ZNF432: variants seen among roughly 807,000 people sequenced by gnomAD.
ZNF432 encodes the protein zinc finger protein 432.
In ZNF432, 10 loss-of-function variants were observed where a neutral mutation model predicts 13.9. The ratio of observed to expected loss-of-function variants is 0.72; its 90% CI spans 0.44 to 1.22. The LOEUF is 1.22. Ranked by LOEUF, ZNF432 falls within the 50% of genes most tolerant of loss-of-function variation. The probability of loss-of-function intolerance (pLI) is 0.00; values close to 1 mark genes in which losing one functional copy is unlikely to be tolerated. For synonymous variants in ZNF432, 247 were observed against 256.2 expected, an observed-to-expected ratio of 0.96 and a Z score of 0.34; for missense variants, 793 against 796.2, an observed-to-expected ratio of 1.00 and a Z score of 0.05.
rs753640880 is a variant in ZNF432 at position 52,035,385 on chromosome 19, C to G, written c.294G>C (p.Leu98=). The change falls in exon 5 of 5, where the codon CTG becomes CTC. Residue 98 remains leucine (L), a synonymous_variant. Transcript: ENST00000221315. The part of the protein sequence containing the change: ...LQDHLENQRM[L]KSVEQYHEHN... ...GTTCATGGTATTGTTCCACACTCTTCAGCATCCTTTGATTTTCCAAGTGAT... is the reference window on the plus strand; with the variant it reads ...GTTCATGGTATTGTTCCACACTCTTGAGCATCCTTTGATTTTCCAAGTGAT... 1 of 1,577,386 alleles carries G rather than the reference C, an allele frequency of 6.3e-7. No homozygotes were observed. The highest frequency in any genetic ancestry group is 1.4e-5 in the African/African-American group (1 of 72,820).
Position 52,034,388 on chromosome 19 carries a change from A to G in ZNF432, c.1291T>C (p.Cys431Arg), listed in dbSNP as rs1568519677. The stretch of plus-strand genomic sequence containing the variant: ...GTAAAACCTTTTCCACATTCACTAC[A>G]TAGATATGACTTCTCTACTGTATGA... Reference protein sequence around the residue: ...RNHTVEKSYLCSECGKGFTVK... With the variant: ...RNHTVEKSYLRSECGKGFTVK... The change falls in exon 5 of 5, where the codon TGT (cysteine) becomes CGT (arginine). Residue 431 changes from cysteine (C) to arginine (R), a missense_variant. By Grantham distance (180) the Cys-to-Arg change is radical (BLOSUM62 -3). Transcript: ENST00000221315. The G allele has an allele frequency of 6.2e-7, 1 of 1,613,896 alleles. No homozygotes were observed. The highest frequency in any genetic ancestry group is 8.5e-7 in the Non-Finnish European group (1 of 1,179,980).
intron 1 of ZNF432, among the ~76,000 whole-genome samples, chr19:52,048,377 C>G (rs1231518085): frequency 6.6e-6 from 1 of 152,060 alleles, no homozygotes; most frequent in Admixed American, 6.5e-5. Context: ...TTGACAAAAG[C>G]CACCCCATCG....
chr19:52,035,446 A>G lies in ZNF432; in HGVS notation c.239-6T>C. 6.5e-7 allele frequency: 1 copy of G among 1,526,858 alleles called. No individual in the cohort carries two copies. Among genetic ancestry groups the G allele is most frequent in the Non-Finnish European group, 8.7e-7 (1 of 1,143,394 alleles). 94.6% of individuals were successfully genotyped at this position (1,526,858 alleles called of 1,614,324 possible). On this transcript the variant is annotated splice_region_variant and splice_polypyrimidine_tract_variant and intron_variant, in intron 4 of 4. Coordinates refer to ENST00000221315, the MANE Select transcript of ZNF432 (RefSeq NM_014650.4). ...ATCATCAACTTCGTTGTTTTCTAGGAAAGAAGAGAACAATGAATCCTTTTA... is the reference window on the plus strand; with the variant it reads ...ATCATCAACTTCGTTGTTTTCTAGGGAAGAAGAGAACAATGAATCCTTTTA...
chr19:52,035,089 C>G lies in ZNF432; in HGVS notation c.590G>C (p.Arg197Thr). Residue 197 changes from arginine (R) to threonine (T), a missense_variant, in exon 5 of 5, where the codon AGA (arginine) becomes ACA (threonine). Physicochemically the swap from Arg to Thr is moderately conservative, Grantham distance 71. Coordinates refer to ENST00000221315, the MANE Select transcript of ZNF432 (RefSeq NM_014650.4). ...GTGGTTTTTTTCTATTTCATGAGTT[C>G]TCTGATGCTTACTGACTTGGGATTT... ...STKSQVSKHQ[R>T]THEIEKNHVC... 6.2e-7 allele frequency: 1 copy of G among 1,614,046 alleles called. No homozygotes were observed.
At chr19:52,035,873 T>C (rs1033291109) in intron 4 of ZNF432, among the ~76,000 whole-genome samples, 4 of 152,088 alleles carry the variant, frequency 2.6e-5, no homozygotes, top group Non-Finnish European at 5.9e-5. Flanking sequence ...AATACTACAA[T>C]AATAGTATAA....
At chr19:52,042,410 G>A (rs2087145168) in intron 2 of ZNF432, among the ~76,000 whole-genome samples, 1 of 152,028 alleles carries the variant, frequency 6.6e-6, no homozygotes, top group African/African-American at 2.4e-5. Flanking sequence ...TTAACCAGGT[G>A]CGGTGGCACA....
At chr19:52,047,931 A>G (rs553182375) in intron 1 of ZNF432, among the ~76,000 whole-genome samples, 7 of 152,200 alleles carry the variant, frequency 4.6e-5, no homozygotes, top group Non-Finnish European at 1.0e-4. Flanking sequence ...TAATTTAAAA[A>G]CATAATGTTA....
At chr19:52,044,059 C>G (rs953028923) in intron 2 of ZNF432, among the ~76,000 whole-genome samples, 8 of 151,932 alleles carry the variant, frequency 5.3e-5, no homozygotes, top group Admixed American at 2.6e-4. Context: ...TTCCACCTTA[C>G]GAGAAACACC....
At chr19:52,040,397 T>C (rs1244482498) in intron 4 of ZNF432, 91 bp downstream of exon 4, 1 of 1,100,330 alleles carries the variant, frequency 9.1e-7, no homozygotes, top group Non-Finnish European at 1.4e-6. Flanking sequence ...CCATTCCTAA[T>C]GTAGGCACTG....
At chr19:52,044,331 G>A (rs1275792766) in intron 2 of ZNF432, among the ~76,000 whole-genome samples, 1 of 151,920 alleles carries the variant, frequency 6.6e-6, no homozygotes. Flanking sequence ...AAAAGAACCT[G>A]TGGAAGCAGA....
rs2087071629 is a variant in ZNF432 at position 52,035,433 on chromosome 19, G to GTT, written c.244_245dup (p.Asn82LysfsTer18). The GTT allele has an allele frequency of 2.6e-6, 4 of 1,533,358 alleles. No homozygotes were observed. The highest frequency in any genetic ancestry group is 1.7e-6 in the Non-Finnish European group (2 of 1,145,882). The allele number at this position is 1,533,358 out of a possible 1,614,324, so 95.0% of individuals were successfully genotyped here. ...GATCCTGCAGATGATCATCAACTTC[G>GTT]TTGTTTTCTAGGAAAGAAGAGAACA... On this transcript the variant is annotated frameshift_variant, in exon 5 of 5. Transcript: ENST00000221315. LOFTEE classifies it low-confidence loss of function (END_TRUNC).
chr19:52,037,440 T>TTC (rs2087092479), intron 4 of ZNF432, among the ~76,000 whole-genome samples: 1 of 152,094 alleles, frequency 6.6e-6, no homozygotes, highest in Non-Finnish European at 1.5e-5. Flanking sequence ...CAGAAGAAAA[T>TTC]GTGCTGCTGC....
chr19:52,043,681 G>A (rs553443959), intron 2 of ZNF432, among the ~76,000 whole-genome samples: 2 of 152,354 alleles, frequency 1.3e-5, no homozygotes, highest in South Asian at 2.1e-4. Flanking sequence ...CCGATTGTAT[G>A]CTCCATCTAC....
intron 4 of ZNF432, among the ~76,000 whole-genome samples, chr19:52,037,789 TAAAA>T (rs74391730): frequency 8.9e-6 from 1 of 112,200 alleles, no homozygotes. Context: ...GACTCTACCT[TAAAA>T]AAAAAAAAAA....
chr19:52,034,184 C>T lies in ZNF432; in HGVS notation c.1495G>A (p.Gly499Arg), dbSNP rs149765326. ...TGAGTTCGCTGATGTAACATCAGTC[C>T]GCTATTCACAATGAAACCTTTCCCA... ...ECGKGFIVNS[G>R]LMLHQRTHTG... Residue 499 changes from glycine (G) to arginine (R), a missense_variant, in exon 5 of 5, where the codon GGA becomes AGA. By Grantham distance (125) the Gly-to-Arg change is moderately radical. Coordinates refer to ENST00000221315, the MANE Select transcript of ZNF432 (RefSeq NM_014650.4). The T allele has an allele frequency of 1.2e-4, 191 of 1,612,728 alleles. No homozygotes were observed. The highest frequency in any genetic ancestry group is 1.4e-4 in the Non-Finnish European group (165 of 1,179,674).
At chr19:52,043,002 C>G (rs1014739503) in intron 2 of ZNF432, among the ~76,000 whole-genome samples, 2 of 152,192 alleles carry the variant, frequency 1.3e-5, no homozygotes, top group Admixed American at 1.3e-4. Context: ...ATGGTATGGC[C>G]TAGCCCTGAA....
At chr19:52,036,176 C>T (rs900236491) in intron 4 of ZNF432, among the ~76,000 whole-genome samples, 1 of 152,304 alleles carries the variant, frequency 6.6e-6, no homozygotes, top group Admixed American at 6.5e-5. Context: ...TTATTCACTC[C>T]ACTAGTTATT....
In ZNF432 at chr19:52,034,660, G is replaced by C. The variant is rs752127855; in HGVS notation, c.1019C>G (p.Thr340Arg). ...SMLIIHQRTHTGEKPYICSEC... is the reference protein window; with the variant it reads ...SMLIIHQRTHRGEKPYICSEC... ...ACTACAGATGTAGGGCTTCTCTCCT[G>C]TATGAGTTCGCTGATGTATAATAAG... The change falls in exon 5 of 5, where the codon ACA (threonine) becomes AGA (arginine). Residue 340 changes from threonine to arginine, a missense_variant. Transcript: ENST00000221315. 1.2e-6 allele frequency: 2 copies of C among 1,613,696 alleles called. No homozygotes were observed. The highest frequency in any genetic ancestry group is 1.7e-6 in the Non-Finnish European group (2 of 1,179,866).
At chr19:52,040,721 C>T (rs1600053184) in intron 3 of ZNF432, 138 bp from the exon 4 acceptor site, 3 of 650,634 alleles carry the variant, frequency 4.6e-6, no homozygotes, top group South Asian at 1.9e-5. Context: ...GGGCAGATTA[C>T]AGTCAGACCT....
Sources: gnomAD v4.1 joint callset for allele counts (sites outside exome capture counted in the v4.1 genomes callset) on GRCh38, gnomAD v4.1.1 for gene constraint, MANE v1.5 for transcripts, NCBI Gene and HGNC (gene_info 2026-07-23, HGNC 2026-07-21) for gene names.